The following DOCK5 variants were observed in gnomAD, a reference collection of about 807,000 sequenced individuals.
DOCK5 encodes the protein dedicator of cytokinesis 5.
Under a neutral mutation model 251.8 loss-of-function variants are expected in DOCK5, and 142 were observed. The ratio of observed to expected loss-of-function variants is 0.56; its 90% CI spans 0.49 to 0.65. The LOEUF (loss-of-function observed/expected upper bound fraction) is 0.65, where lower values mean the gene tolerates loss of function less well. Among genes scored for constraint, DOCK5 ranks in the 30% least tolerant of loss-of-function variants. The pLI is 0.00. For synonymous variants in DOCK5, 842 were observed against 835.5 expected (o/e 1.01, Z -0.13); for missense variants, 2,111 against 2,312.3 (o/e 0.91, Z 1.79).
At position 25,310,496 on chromosome 8, in the gene DOCK5, G is replaced by T. The variant is rs748875418; in HGVS notation, c.1282G>T (p.Ala428Ser). 1.2e-6 allele frequency: 2 copies of T among 1,613,296 alleles called. No individual in the cohort carries two copies. The highest frequency in any genetic ancestry group is 2.2e-5 in the South Asian group (2 of 90,952). Residue 428 changes from alanine (A) to serine (S), a missense_variant, in exon 13 of 52, where the codon GCC (alanine) becomes TCC (serine). Coordinates refer to ENST00000276440, the MANE Select transcript of DOCK5 (RefSeq NM_024940.8). Reference protein sequence around the residue: ...SHLVDRSTAIARKMGFPEIIL... With the variant: ...SHLVDRSTAISRKMGFPEIIL... ...CTTGGTTGATAGATCAACAGCAATA[G>T]CCCGGAAGATGGGCTTTCCTGAAAT...
intron 17 of DOCK5, 51 bp from the exon 18 acceptor site, chr8:25,325,313 A>T: frequency 6.3e-7 from 1 of 1,581,872 alleles, no homozygotes; most frequent in Non-Finnish European, 8.6e-7. Context: ...TTTTATTTGC[A>T]TATAAGAGAT....
intron 1 of DOCK5, among the ~76,000 whole-genome samples, chr8:25,221,644 CCAT>C (rs139685688): frequency 0.054 from 8,162 of 152,214 alleles, 524 homozygotes; most frequent in African/African-American, 0.16. Flanking sequence ...CTGCTACCTA[CCAT>C]CATCATCATC....
At chr8:25,197,967 G>T (rs1801776626) in intron 1 of DOCK5, among the ~76,000 whole-genome samples, 2 of 151,972 alleles carry the variant, frequency 1.3e-5, no homozygotes, top group Non-Finnish European at 1.5e-5. Context: ...AGCCAGGATG[G>T]TCTCGATCTC....
At chr8:25,308,275 A>G (rs752143224) in intron 11 of DOCK5, among the ~76,000 whole-genome samples, 6 of 152,084 alleles carry the variant, frequency 3.9e-5, no homozygotes, top group Non-Finnish European at 7.4e-5. Context: ...GAGAACATCT[A>G]CCAGACACCA....
chr8:25,355,590 C>A (rs957224595), intron 27 of DOCK5, among the ~76,000 whole-genome samples: 8 of 152,158 alleles, frequency 5.3e-5, no homozygotes, highest in Non-Finnish European at 8.8e-5. Context: ...GCTGGGGTTA[C>A]AAGTGTGTGC....
At chr8:25,189,829 C>T (rs1314983242) in intron 1 of DOCK5, among the ~76,000 whole-genome samples, 4 of 152,188 alleles carry the variant, frequency 2.6e-5, no homozygotes, top group African/African-American at 9.7e-5. Context: ...CGGAGTAGAG[C>T]TTTGAATGCT....
At chr8:25,241,282 C>T (rs1802936589) in intron 1 of DOCK5, among the ~76,000 whole-genome samples, 1 of 152,118 alleles carries the variant, frequency 6.6e-6, no homozygotes, top group Non-Finnish European at 1.5e-5. Flanking sequence ...CGAGACCATC[C>T]TGGCTAACAT....
chr8:25,392,947 G>GT, intron 44 of DOCK5, 65 bp downstream of exon 44: 1 of 1,369,896 alleles, frequency 7.3e-7, no homozygotes, highest in Admixed American at 2.0e-5. Flanking sequence ...AACAGCCTTT[G>GT]TTGAATTCCC....
chr8:25,312,896 C>T (rs939898310), intron 13 of DOCK5, among the ~76,000 whole-genome samples: 1 of 152,054 alleles, frequency 6.6e-6, no homozygotes, highest in Non-Finnish European at 1.5e-5. Context: ...TGCCGCTGCA[C>T]TCCAGCCTGG....
At chr8:25,396,400 C>G (rs1586393415) in intron 45 of DOCK5, among the ~76,000 whole-genome samples, 1 of 151,976 alleles carries the variant, frequency 6.6e-6, no homozygotes, top group East Asian at 1.9e-4. Flanking sequence ...ACTTGGTGTG[C>G]CAGAGGTTGT....
chr8:25,237,563 T>G (rs1481631477), intron 1 of DOCK5, among the ~76,000 whole-genome samples: 1 of 152,194 alleles, frequency 6.6e-6, no homozygotes, highest in African/African-American at 2.4e-5. Context: ...AATCAAAGAT[T>G]CAGTAAAATG....
chr8:25,238,520 T>A (rs891874658), intron 1 of DOCK5, among the ~76,000 whole-genome samples: 3 of 152,206 alleles, frequency 2.0e-5, no homozygotes, highest in African/African-American at 7.2e-5. Context: ...AAACAGATTG[T>A]ACAAACATCC....
intron 18 of DOCK5, among the ~76,000 whole-genome samples, chr8:25,329,659 T>A (rs998209262): frequency 6.6e-6 from 1 of 152,168 alleles, no homozygotes; most frequent in African/African-American, 2.4e-5. Context: ...AATCCCACCT[T>A]AGTTTTCTAT....
At chr8:25,211,496 C>T (rs1419996417) in intron 1 of DOCK5, among the ~76,000 whole-genome samples, 2 of 71,326 alleles carry the variant, frequency 2.8e-5, no homozygotes, top group African/African-American at 6.4e-5. Context: ...AGAAGGTTTA[C>T]GATTTCTGAA....
At chr8:25,375,197 T>TAATGATACGGCGA in intron 37 of DOCK5, 1 of 181,378 alleles carries the variant, frequency 5.5e-6, no homozygotes, top group Admixed American at 5.8e-5. Context: ...AACCTTTATT[T>TAATGATACGGCGA]CTCACTCTTT....
intron 2 of DOCK5, among the ~76,000 whole-genome samples, chr8:25,267,041 GC>G (rs1563331243): frequency 6.6e-6 from 1 of 152,152 alleles, no homozygotes; most frequent in African/African-American, 2.4e-5. Context: ...TTCTCAGCCT[GC>G]CCGCCTCCCA....
intron 1 of DOCK5, among the ~76,000 whole-genome samples, chr8:25,197,002 C>G (rs1801745614): frequency 6.6e-6 from 1 of 151,766 alleles, no homozygotes; most frequent in Non-Finnish European, 1.5e-5. Context: ...AGTTTGAGAC[C>G]AGCCTGGGCA....
intron 1 of DOCK5, among the ~76,000 whole-genome samples, chr8:25,215,680 T>C (rs1299731498): frequency 6.6e-6 from 1 of 152,122 alleles, no homozygotes; most frequent in Non-Finnish European, 1.5e-5. Flanking sequence ...GACAACAGTA[T>C]GTATGATTAG....
chr8:25,329,559 C>G (rs1239621278), intron 18 of DOCK5, among the ~76,000 whole-genome samples: 1 of 152,144 alleles, frequency 6.6e-6, no homozygotes, highest in Non-Finnish European at 1.5e-5. Context: ...ATCCTGAATT[C>G]TTACACATTT....
Sources: gnomAD v4.1 joint callset for allele counts (sites outside exome capture counted in the v4.1 genomes callset) on GRCh38, gnomAD v4.1.1 for gene constraint, MANE v1.5 for transcripts, NCBI Gene and HGNC (gene_info 2026-07-23, HGNC 2026-07-21) for gene names.